PLCG2: variants seen among roughly 807,000 people sequenced by gnomAD.
PLCG2 encodes 1-phosphatidylinositol 4,5-bisphosphate phosphodiesterase gamma-2.
Under a neutral mutation model 175.6 loss-of-function variants are expected in PLCG2, and 69 were observed. The observed-to-expected ratio is 0.39, with a 90% CI of 0.32 to 0.48. The LOEUF (loss-of-function observed/expected upper bound fraction) is 0.48. Among genes scored for constraint, PLCG2 ranks in the 20% least tolerant of loss-of-function variants. The pLI, the probability that PLCG2 is intolerant of heterozygous loss-of-function variation, is 0.91. For missense variants in PLCG2, 1,798 were observed against 1,650.9 expected, an observed-to-expected ratio of 1.09 and a Z score of -1.54; for synonymous variants, 827 against 624.0, an observed-to-expected ratio of 1.33 and a Z score of -4.85.
chr16:81,914,796 A>G (rs373353043), intron 19 of PLCG2, among the ~76,000 whole-genome samples: 2 of 152,118 alleles, frequency 1.3e-5, no homozygotes, highest in African/African-American at 4.8e-5. Context: ...TGGTTGGTGA[A>G]TGCTGGCTCA....
intron 2 of PLCG2, among the ~76,000 whole-genome samples, chr16:81,836,083 T>C (rs1462824283): frequency 1.3e-5 from 2 of 152,214 alleles, no homozygotes; most frequent in Admixed American, 6.5e-5. Flanking sequence ...CCCCCAACAT[T>C]ACCCGTTTAT....
chr16:81,859,115 G>A lies in PLCG2; in HGVS notation c.432-1G>A. On this transcript the variant is annotated splice_acceptor_variant, in intron 4 of 32. Coordinates refer to ENST00000564138, the MANE Select transcript of PLCG2 (RefSeq NM_002661.5). LOFTEE classifies it high-confidence loss of function. ...TTCTTTTGTCTCATATTTCTTTCCAGTTGGCTGAGAAAGCAGATATATTCT... is the reference window on the plus strand; with the variant it reads ...TTCTTTTGTCTCATATTTCTTTCCAATTGGCTGAGAAAGCAGATATATTCT... The A allele has an allele frequency of 6.3e-7, 1 of 1,574,986 alleles. No homozygotes were observed.
chr16:81,751,916 G>C (rs1014286290), intron 1 of PLCG2, among the ~76,000 whole-genome samples: 4 of 150,912 alleles, frequency 2.7e-5, no homozygotes, highest in Admixed American at 2.0e-4. Flanking sequence ...TAGCTACTCG[G>C]GAGGCTGAGG....
intron 2 of PLCG2, among the ~76,000 whole-genome samples, chr16:81,805,767 G>GTTTTTTTTTTTTTTTTTTTTTT (rs766609754): frequency 1.3e-4 from 5 of 39,530 alleles, no homozygotes; most frequent in Admixed American, 2.1e-4. Context: ...GTTTTGTTTT[G>GTTTTTTTTTTTTTTTTTTTTTT]TTTTTTTTTT....
chr16:81,787,507 C>T (rs1911030593), intron 2 of PLCG2, among the ~76,000 whole-genome samples: 1 of 141,170 alleles, frequency 7.1e-6, no homozygotes, highest in African/African-American at 2.7e-5. Flanking sequence ...GGATTACAGG[C>T]ATGAGCCACC....
intron 31 of PLCG2, among the ~76,000 whole-genome samples, chr16:81,952,622 A>G (rs556063591): frequency 6.6e-6 from 1 of 152,228 alleles, no homozygotes; most frequent in Non-Finnish European, 1.5e-5. Flanking sequence ...ATAGCAAAAT[A>G]ATGATAATAT....
intron 5 of PLCG2, among the ~76,000 whole-genome samples, chr16:81,866,248 A>G (rs1597362546): frequency 1.8e-5 from 2 of 111,474 alleles, no homozygotes; most frequent in Non-Finnish European, 1.8e-5. Context: ...TGCTCCCAGG[A>G]TGAGCTCCAC....
In PLCG2 at chr16:81,960,881, ATCTTCCTGTTATAT is replaced by A. The variant is rs1567551811; in HGVS notation, c.*2889_*2902del. On this transcript the variant is annotated 3_prime_UTR_variant, in exon 33 of 33. Transcript: ENST00000564138. ...TCAGGGGAGCAGTGTTCAGAGCCTC[ATCTTCCTGTTATAT>A]TCTTCTCTAAGATTCATCTGCCTGA... 3 of 229,510 alleles carry A rather than the reference ATCTTCCTGTTATAT, an allele frequency of 1.3e-5. No individual in the cohort carries two copies. The highest frequency in any genetic ancestry group is 1.3e-3 in the Middle Eastern group (1 of 786). The allele number at this position is 229,510 out of a possible 1,614,324, so 14.2% of individuals were successfully genotyped here. A position where few individuals can be genotyped will look rare whatever the true frequency, so the allele number is the denominator to read the frequency against.
chr16:81,841,104 C>T (rs1363150531), intron 2 of PLCG2, among the ~76,000 whole-genome samples: 1 of 152,200 alleles, frequency 6.6e-6, no homozygotes, highest in Non-Finnish European at 1.5e-5. Flanking sequence ...TGATTTTCGC[C>T]TCTGCTGTCA....
intron 2 of PLCG2, among the ~76,000 whole-genome samples, chr16:81,772,948 C>T (rs1000659581): frequency 3.3e-5 from 5 of 152,228 alleles, no homozygotes; most frequent in African/African-American, 4.8e-5. Context: ...CAGGACCCTG[C>T]AGACTGCCTG....
intron 13 of PLCG2, 146 bp from the exon 14 acceptor site, chr16:81,900,466 C>T (rs900030100): frequency 3.3e-6 from 2 of 612,370 alleles, no homozygotes; most frequent in African/African-American, 1.9e-5. Flanking sequence ...GAGGTCCTCT[C>T]CTTCTGGGAG....
chr16:81,918,318 T>G (rs1364386965), intron 19 of PLCG2, among the ~76,000 whole-genome samples: 1 of 152,172 alleles, frequency 6.6e-6, no homozygotes, highest in Non-Finnish European at 1.5e-5. Context: ...CTTCTAGTAG[T>G]TTTACAGTTT....
intron 2 of PLCG2, among the ~76,000 whole-genome samples, chr16:81,765,589 C>A (rs992188103): frequency 1.3e-5 from 2 of 152,226 alleles, no homozygotes; most frequent in African/African-American, 2.4e-5. Flanking sequence ...TGAGGTGGTG[C>A]TAGTGCCCTC....
chr16:81,852,279 C>T (rs1362083792), intron 2 of PLCG2, among the ~76,000 whole-genome samples: 3 of 152,166 alleles, frequency 2.0e-5, no homozygotes, highest in Non-Finnish European at 4.4e-5. Flanking sequence ...GCTGATGGTG[C>T]AGCTGGGCCA....
At chr16:81,842,048 T>C (rs1905861635) in intron 2 of PLCG2, among the ~76,000 whole-genome samples, 1 of 152,226 alleles carries the variant, frequency 6.6e-6, no homozygotes, top group African/African-American at 2.4e-5. Flanking sequence ...TTGGTTTGCA[T>C]GACAACTCAA....
chr16:81,884,914 C>A (rs1277947935), intron 9 of PLCG2, among the ~76,000 whole-genome samples: 1 of 152,004 alleles, frequency 6.6e-6, no homozygotes, highest in African/African-American at 2.4e-5. Context: ...GATAAGGTCT[C>A]ACTCACCCCC....
chr16:81,938,649 C>T (rs1211190177), intron 28 of PLCG2, 152 bp from the exon 29 acceptor site: 1 of 605,404 alleles, frequency 1.7e-6, no homozygotes, highest in African/African-American at 1.9e-5. Flanking sequence ...TCATCCACTG[C>T]AGAAGGTTGC....
chr16:81,945,607 C>T (rs1471656815), intron 30 of PLCG2, among the ~76,000 whole-genome samples: 4 of 152,166 alleles, frequency 2.6e-5, no homozygotes, highest in East Asian at 1.9e-4. Flanking sequence ...CCAACTTGCC[C>T]CCCTCAGCCC....
At chr16:81,949,421 A>T (rs973012156) in intron 31 of PLCG2, among the ~76,000 whole-genome samples, 1 of 152,234 alleles carries the variant, frequency 6.6e-6, no homozygotes, top group Admixed American at 6.5e-5. Context: ...AATAAGTCTA[A>T]TATCAGACTT....
Sources: gnomAD v4.1 joint callset for allele counts (sites outside exome capture counted in the v4.1 genomes callset) on GRCh38, gnomAD v4.1.1 for gene constraint, MANE v1.5 for transcripts, NCBI Gene and HGNC (gene_info 2026-07-23, HGNC 2026-07-21) for gene names.